Variants in BMPR1B observed in about 807,000 individuals in gnomAD.
BMPR1B encodes the protein bone morphogenetic protein receptor type-1B.
BMPR1B carries 12 observed loss-of-function variants against 59.1 expected under a neutral mutation model. The ratio of observed to expected loss-of-function variants is 0.20; its 90% CI spans 0.13 to 0.33. BMPR1B has a LOEUF of 0.33. BMPR1B is among the 10% of genes least tolerant of loss of function. The probability of loss-of-function intolerance (pLI) is 1.00; values close to 1 mark genes in which losing one functional copy is unlikely to be tolerated. For synonymous variants in BMPR1B, 237 were observed against 207.3 expected, an observed-to-expected ratio of 1.14 and a Z score of -1.23; for missense variants, 550 against 610.9, an observed-to-expected ratio of 0.90 and a Z score of 1.05.
chr4:95,079,105 G>A (rs1728923065), intron 3 of BMPR1B, among the ~76,000 whole-genome samples: 1 of 151,980 alleles, frequency 6.6e-6, no homozygotes. Context: ...AGAAGGAAGG[G>A]GAAATGTTAG....
chr4:94,988,990 C>G (rs1170154029), intron 2 of BMPR1B, among the ~76,000 whole-genome samples: 2 of 152,124 alleles, frequency 1.3e-5, no homozygotes, highest in Non-Finnish European at 2.9e-5. Flanking sequence ...AAAATGAGGA[C>G]TAGCTTGGAT....
At chr4:94,874,988 G>A (rs375105080) in intron 1 of BMPR1B, among the ~76,000 whole-genome samples, 1 of 152,066 alleles carries the variant, frequency 6.6e-6, no homozygotes, top group East Asian at 1.9e-4. Flanking sequence ...GCGAGACACC[G>A]TCTCAAAAAA....
intron 1 of BMPR1B, among the ~76,000 whole-genome samples, chr4:94,830,467 C>T (rs919539036): frequency 6.6e-6 from 1 of 152,070 alleles, no homozygotes; most frequent in Non-Finnish European, 1.5e-5. Context: ...CGTTAAGTGG[C>T]ATCATAGATG....
intron 1 of BMPR1B, among the ~76,000 whole-genome samples, chr4:94,764,628 A>G (rs1030487588): frequency 6.6e-5 from 10 of 152,224 alleles, no homozygotes; most frequent in African/African-American, 2.2e-4. Flanking sequence ...TGATAAGAAC[A>G]GTCGTACTCC....
At chr4:94,842,895 C>G (rs986245085) in intron 1 of BMPR1B, among the ~76,000 whole-genome samples, 1 of 140,014 alleles carries the variant, frequency 7.1e-6, no homozygotes, top group Admixed American at 7.0e-5. Flanking sequence ...TTTGCGTATA[C>G]CTACACATAC....
chr4:95,106,100 C>T (rs1019993807), intron 4 of BMPR1B, among the ~76,000 whole-genome samples: 15 of 151,998 alleles, frequency 9.9e-5, no homozygotes, highest in Admixed American at 9.2e-4. Context: ...AGAAGCTTGG[C>T]GTGTTCAAAA....
chr4:94,980,778 T>C (rs571675965), intron 2 of BMPR1B, among the ~76,000 whole-genome samples: 2 of 152,092 alleles, frequency 1.3e-5, no homozygotes, highest in Non-Finnish European at 2.9e-5. Context: ...CAAATCAAAG[T>C]TTGTAACAAT....
chr4:95,139,733 C>T (rs1034922331), intron 10 of BMPR1B, among the ~76,000 whole-genome samples: 2 of 152,202 alleles, frequency 1.3e-5, no homozygotes, highest in Admixed American at 1.3e-4. Flanking sequence ...ACCCTCGGAG[C>T]CATGCGCGGG....
intron 1 of BMPR1B, among the ~76,000 whole-genome samples, chr4:94,775,655 C>T (rs769170629): frequency 1.3e-5 from 2 of 152,158 alleles, no homozygotes; most frequent in Non-Finnish European, 2.9e-5. Context: ...TAATATTAAG[C>T]AAGTGTTTAG....
chr4:95,140,981 C>T (rs1237731288), intron 10 of BMPR1B, among the ~76,000 whole-genome samples: 1 of 152,116 alleles, frequency 6.6e-6, no homozygotes, highest in Non-Finnish European at 1.5e-5. Context: ...ATAATTCAGA[C>T]ATTTACTTGG....
chr4:94,815,567 G>GT (rs1172942306), intron 1 of BMPR1B, among the ~76,000 whole-genome samples: 3 of 152,136 alleles, frequency 2.0e-5, no homozygotes, highest in Non-Finnish European at 2.9e-5. Context: ...TGGCAATATT[G>GT]TTTTTTATTT....
intron 3 of BMPR1B, among the ~76,000 whole-genome samples, chr4:95,079,695 AG>A (rs1728975098): frequency 6.6e-6 from 1 of 151,960 alleles, no homozygotes; most frequent in African/African-American, 2.4e-5. Flanking sequence ...GTTAGGGAAA[AG>A]TTTGTCTCTC....
At chr4:94,879,996 G>C (rs1726895087) in intron 2 of BMPR1B, among the ~76,000 whole-genome samples, 1 of 152,126 alleles carries the variant, frequency 6.6e-6, no homozygotes, top group African/African-American at 2.4e-5. Context: ...TCTAAGAGAA[G>C]TGATTATCGT....
At chr4:95,007,239 T>C (rs1248010864) in intron 3 of BMPR1B, among the ~76,000 whole-genome samples, 1 of 152,224 alleles carries the variant, frequency 6.6e-6, no homozygotes. Flanking sequence ...CTAATTTCAG[T>C]TAACCTCTAA....
chr4:94,956,384 TAA>T (rs568370119), intron 2 of BMPR1B, among the ~76,000 whole-genome samples: 31 of 152,250 alleles, frequency 2.0e-4, no homozygotes, highest in African/African-American at 6.3e-4. Flanking sequence ...CCCCTCCCCA[TAA>T]AGACATAATA....
chr4:94,997,269 G>C (rs1722123753), intron 3 of BMPR1B, among the ~76,000 whole-genome samples: 1 of 152,186 alleles, frequency 6.6e-6, no homozygotes. Context: ...ACAAAAATGA[G>C]ATTGATGCTG....
chr4:94,989,506 C>T (rs1721611466), intron 2 of BMPR1B, among the ~76,000 whole-genome samples: 1 of 151,958 alleles, frequency 6.6e-6, no homozygotes, highest in Non-Finnish European at 1.5e-5. Flanking sequence ...ATTTCAGTTA[C>T]CTAACATTGA....
chr4:95,136,694 G>A (rs538668514), intron 10 of BMPR1B, among the ~76,000 whole-genome samples: 19 of 152,184 alleles, frequency 1.2e-4, no homozygotes, highest in East Asian at 9.7e-4. Context: ...GTTTATTTGC[G>A]TAGAGGTGTT....
chr4:94,949,979 C>T (rs983111597), intron 2 of BMPR1B, among the ~76,000 whole-genome samples: 1 of 152,168 alleles, frequency 6.6e-6, no homozygotes, highest in Admixed American at 6.5e-5. Context: ...TAATGATCGC[C>T]ATTCTAACTG....
Sources: gnomAD v4.1 joint callset for allele counts (sites outside exome capture counted in the v4.1 genomes callset) on GRCh38, gnomAD v4.1.1 for gene constraint, MANE v1.5 for transcripts, NCBI Gene and HGNC (gene_info 2026-07-23, HGNC 2026-07-21) for gene names.